Variants in OR2C1 observed in about 807,000 individuals in gnomAD.
The protein encoded by OR2C1 is olfactory receptor family 2 subfamily C member 1.
For missense variants in OR2C1, 468 were observed against 388.3 expected (o/e 1.21, Z -1.73); for synonymous variants, 209 against 167.3 (o/e 1.25, Z -1.92).
At chr16:3,334,278 C>T in the OR2C1 span, among the ~76,000 whole-genome samples, 2 of 151,238 alleles carry the variant, frequency 1.3e-5, no homozygotes, top group Non-Finnish European at 2.9e-5. Context: ...GCTGGGACGA[C>T]AGGCACGTAC....
chr16:3,352,390 C>T (rs2030586593), upstream of OR2C1, among the ~76,000 whole-genome samples: 1 of 152,204 alleles, frequency 6.6e-6, no homozygotes, highest in Non-Finnish European at 1.5e-5. Flanking sequence ...GTTGGGATTA[C>T]AGGCGCGAGC....
chr16:3,339,331 G>A, the OR2C1 span, among the ~76,000 whole-genome samples: 2 of 147,094 alleles, frequency 1.4e-5, no homozygotes, highest in Non-Finnish European at 3.0e-5. Context: ...AAATATGCAT[G>A]TACATGTTTG....
the OR2C1 span, among the ~76,000 whole-genome samples, chr16:3,325,010 C>T: frequency 6.6e-6 from 1 of 152,082 alleles, no homozygotes; most frequent in Non-Finnish European, 1.5e-5. Context: ...GAGACAGAGC[C>T]TCACTCTGTC....
the OR2C1 span, among the ~76,000 whole-genome samples, chr16:3,345,809 C>CTCCT: frequency 5.0e-5 from 7 of 138,836 alleles, no homozygotes; most frequent in Non-Finnish European, 6.1e-5. Context: ...TCTCTTTTCT[C>CTCCT]TCCTTCCTTC....
chr16:3,325,832 T>G, the OR2C1 span, among the ~76,000 whole-genome samples: 2 of 151,730 alleles, frequency 1.3e-5, no homozygotes, highest in African/African-American at 4.8e-5. Context: ...CAAATTGCCA[T>G]GCTAAATGAG....
the OR2C1 span, among the ~76,000 whole-genome samples, chr16:3,335,545 G>C: frequency 2.7e-5 from 1 of 36,632 alleles, no homozygotes; most frequent in Non-Finnish European, 5.6e-5. Context: ...TTTTTTTTTT[G>C]AGATTGAGTC....
the OR2C1 span, among the ~76,000 whole-genome samples, chr16:3,335,979 T>C: frequency 2.0e-5 from 3 of 152,338 alleles, no homozygotes; most frequent in South Asian, 6.2e-4. Context: ...TAAAAGTGGA[T>C]ATGCTTGTCT....
chr16:3,338,538 CTTTTTT>C, the OR2C1 span, among the ~76,000 whole-genome samples: 76 of 103,304 alleles, frequency 7.4e-4, 1 homozygote, highest in African/African-American at 1.6e-3. Flanking sequence ...GTATAGGTAC[CTTTTTT>C]TTTTTTTTTT....
upstream of OR2C1, among the ~76,000 whole-genome samples, chr16:3,354,117 G>A (rs2030621132): frequency 6.6e-6 from 1 of 151,848 alleles, no homozygotes; most frequent in Admixed American, 6.6e-5. Context: ...CTGAGTAGCT[G>A]GGGCTGCAGG....
the OR2C1 span, among the ~76,000 whole-genome samples, chr16:3,324,438 C>T: frequency 6.6e-6 from 1 of 152,164 alleles, no homozygotes; most frequent in Non-Finnish European, 1.5e-5. Context: ...AATTCACCTG[C>T]ATAGCAGAGT....
the OR2C1 span, among the ~76,000 whole-genome samples, chr16:3,325,336 C>G: frequency 5.3e-5 from 8 of 151,608 alleles, no homozygotes; most frequent in Non-Finnish European, 1.2e-4. Flanking sequence ...CCAGGCTGGT[C>G]TCAAACTCGT....
upstream of OR2C1, among the ~76,000 whole-genome samples, chr16:3,355,610 C>T (rs1479235981): frequency 6.6e-6 from 1 of 151,880 alleles, no homozygotes; most frequent in Non-Finnish European, 1.5e-5. Flanking sequence ...GGCAAAACCC[C>T]ATCTCTACAA....
At chr16:3,346,511 C>G in the OR2C1 span, among the ~76,000 whole-genome samples, 1 of 151,510 alleles carries the variant, frequency 6.6e-6, no homozygotes, top group Non-Finnish European at 1.5e-5. Context: ...TGGAAACAAA[C>G]AAACAAAAAA....
At chr16:3,349,600 T>C in the OR2C1 span, among the ~76,000 whole-genome samples, 5 of 151,982 alleles carry the variant, frequency 3.3e-5, no homozygotes, top group African/African-American at 1.2e-4. Context: ...TACATTTCCA[T>C]AAACAATCCC....
At chr16:3,349,114 AC>A in the OR2C1 span, among the ~76,000 whole-genome samples, 3 of 149,870 alleles carry the variant, frequency 2.0e-5, no homozygotes, top group African/African-American at 2.5e-5. Context: ...GCCTTCCACC[AC>A]CCCCCTCCCC....
the OR2C1 span, among the ~76,000 whole-genome samples, chr16:3,349,412 A>G: frequency 7.9e-5 from 12 of 152,156 alleles, no homozygotes; most frequent in Middle Eastern, 6.8e-3. Flanking sequence ...CAGGCTTCCA[A>G]CTGCGACCCA....
At position 3,356,895 on chromosome 16, in the gene OR2C1, T is replaced by C; in HGVS notation, c.*16T>C. On this transcript the variant is annotated 3_prime_UTR_variant, in exon 1 of 1. Coordinates refer to ENST00000304936, the MANE Select transcript of OR2C1 (RefSeq NM_012368.3). ...AGTTGGCTGAGAGAACACTCCTTCG[T>C]TATTTATTGCGTCTTCATCTCTACA... is the stretch of plus-strand genomic sequence containing the variant. The C allele has an allele frequency of 6.5e-7, 1 of 1,531,814 alleles. No individual in the cohort carries two copies. Among genetic ancestry groups the C allele is most frequent in the South Asian group, 1.3e-5 (1 of 79,118 alleles). The allele number at this position is 1,531,814 out of a possible 1,614,324, so 94.9% of individuals were successfully genotyped here. A position where few individuals can be genotyped will look rare whatever the true frequency, so the allele number is the denominator to read the frequency against.
At chr16:3,330,273 AT>A in the OR2C1 span, among the ~76,000 whole-genome samples, 2 of 151,378 alleles carry the variant, frequency 1.3e-5, no homozygotes, top group Admixed American at 6.6e-5. Flanking sequence ...CACCCAGCTA[AT>A]TTTTTGTATT....
upstream of OR2C1, among the ~76,000 whole-genome samples, chr16:3,353,262 C>A (rs917868800): frequency 4.0e-5 from 6 of 150,624 alleles, no homozygotes; most frequent in African/African-American, 1.5e-4. Flanking sequence ...GAGGCTGAGG[C>A]GGGCAGATCA....
Sources: gnomAD v4.1 joint callset for allele counts (sites outside exome capture counted in the v4.1 genomes callset) on GRCh38, gnomAD v4.1.1 for gene constraint, MANE v1.5 for transcripts, NCBI Gene and HGNC (gene_info 2026-07-23, HGNC 2026-07-21) for gene names.